Variants in CNDP1 observed in about 807,000 individuals in gnomAD.
CNDP1 encodes the protein beta-Ala-His dipeptidase.
A neutral mutation model predicts 58.1 loss-of-function variants in CNDP1; 44 were observed. The ratio of observed to expected loss-of-function variants is 0.76; its 90% CI spans 0.60 to 0.97. The LOEUF is 0.97. Ranked by LOEUF, CNDP1 falls within the 50% of genes least tolerant of loss-of-function variation. The pLI, the probability that CNDP1 is intolerant of heterozygous loss-of-function variation, is 0.00. For missense variants in CNDP1, 616 were observed against 655.1 expected (o/e 0.94, Z 0.65); for synonymous variants, 254 against 252.6 (o/e 1.01, Z -0.05).
At chr18:74,575,503 C>T (rs1156996291) in intron 7 of CNDP1, among the ~76,000 whole-genome samples, 5 of 152,138 alleles carry the variant, frequency 3.3e-5, no homozygotes, top group Admixed American at 6.5e-5. Context: ...GCCTTTGATA[C>T]GTATTTTCTA....
chr18:74,579,438 A>T (rs1037282610), intron 9 of CNDP1, among the ~76,000 whole-genome samples: 1 of 149,304 alleles, frequency 6.7e-6, no homozygotes, highest in Non-Finnish European at 1.5e-5. Context: ...TTCTCACAAC[A>T]TATAAACTCC....
At position 74,548,385 on chromosome 18, in the gene CNDP1, T is replaced by C. The variant is rs376004850; in HGVS notation, c.25-7953T>C. Among the ~76,000 whole-genome samples, 109 of 152,276 alleles carry C rather than the reference T, an allele frequency of 7.2e-4. No homozygotes were observed. The South Asian group carries it at 0.018, about 25-fold the overall frequency. ...CCTGCTCTTGCTCACATTCTTGCCA[T>C]GTGAGGAGCCTGCTCTCTCTTCACC... On this transcript the variant is annotated intron_variant, in intron 1 of 11. Coordinates refer to ENST00000358821, the MANE Select transcript of CNDP1 (RefSeq NM_032649.6).
intron 1 of CNDP1, among the ~76,000 whole-genome samples, chr18:74,546,390 AC>A (rs1440284218): frequency 1.3e-5 from 2 of 152,154 alleles, no homozygotes; most frequent in Non-Finnish European, 2.9e-5. Context: ...AGGTGGGAGC[AC>A]CGAGGGCCCA....
chr18:74,534,618 C>T lies in CNDP1; in HGVS notation c.-50C>T. On this transcript the variant is annotated 5_prime_UTR_variant, in exon 1 of 12. Transcript: ENST00000358821. The stretch of plus-strand genomic sequence containing the variant: ...GGCTTTCATGGGACTCCCTCTGCCA[C>T]ATTTTTTGGAGGTTGGGAAAGTTGC... 6.2e-7 allele frequency: 1 copy of T among 1,609,526 alleles called. No homozygotes were observed. Among genetic ancestry groups the T allele is most frequent in the South Asian group, 1.1e-5 (1 of 90,902 alleles).
intron 1 of CNDP1, among the ~76,000 whole-genome samples, chr18:74,535,975 T>TA (rs1980476675): frequency 6.6e-6 from 1 of 152,086 alleles, no homozygotes; most frequent in African/African-American, 2.4e-5. Context: ...GAGGCTGCAG[T>TA]GAGCCATGGT....
chr18:74,549,546 G>T (rs893729710), intron 1 of CNDP1, among the ~76,000 whole-genome samples: 5 of 152,104 alleles, frequency 3.3e-5, no homozygotes, highest in Non-Finnish European at 7.3e-5. Flanking sequence ...TAAAAGGAAA[G>T]CAGAGCATAA....
intron 1 of CNDP1, among the ~76,000 whole-genome samples, chr18:74,541,948 AG>A (rs1184011560): frequency 1.2e-4 from 19 of 152,176 alleles, no homozygotes. Context: ...GCATTGTGAA[AG>A]GGAGAGAAAC....
intron 1 of CNDP1, among the ~76,000 whole-genome samples, chr18:74,547,681 C>G (rs890880892): frequency 6.6e-5 from 10 of 152,300 alleles, no homozygotes; most frequent in Admixed American, 2.0e-4. Context: ...GGAGGCGAAG[C>G]CAGTGCCAGT....
intron 11 of CNDP1, chr18:74,584,173 A>G: frequency 2.7e-6 from 1 of 370,128 alleles, no homozygotes; most frequent in South Asian, 3.4e-5. Flanking sequence ...CTACTGGCAG[A>G]TACTACAAGA....
At chr18:74,552,621 T>G (rs763366259) in intron 1 of CNDP1, among the ~76,000 whole-genome samples, 33 of 152,248 alleles carry the variant, frequency 2.2e-4, no homozygotes, top group Non-Finnish European at 3.7e-4. Context: ...ATAAAAATCA[T>G]TTTGTATAGC....
intron 10 of CNDP1, among the ~76,000 whole-genome samples, chr18:74,583,308 T>C (rs537399544): frequency 3.0e-4 from 46 of 152,310 alleles, no homozygotes; most frequent in African/African-American, 1.1e-3. Flanking sequence ...CACCTGGCTC[T>C]AAAATCTTTT....
chr18:74,547,024 G>A lies in CNDP1; in HGVS notation c.25-9314G>A, dbSNP rs376265209. On this transcript the variant is annotated intron_variant, in intron 1 of 11. Coordinates refer to ENST00000358821, the MANE Select transcript of CNDP1 (RefSeq NM_032649.6). ...CAGGATGCTGGCTGAAGGAAACCAC[G>A]CCCTTGCTGACTCCTCCATGGGGAC... Among the ~76,000 whole-genome samples the A allele has an allele frequency of 6.6e-5, 10 of 152,272 alleles. No individual in the cohort carries two copies. The East Asian group carries it at 1.4e-3, about 21-fold the overall frequency.
At chr18:74,569,123 T>C (rs1599097971) in intron 6 of CNDP1, among the ~76,000 whole-genome samples, 1 of 152,200 alleles carries the variant, frequency 6.6e-6, no homozygotes, top group Non-Finnish European at 1.5e-5. Context: ...AGGGGAGCTG[T>C]CATCAGAATG....
chr18:74,553,753 G>A (rs1459879245), intron 1 of CNDP1, among the ~76,000 whole-genome samples: 2 of 152,148 alleles, frequency 1.3e-5, no homozygotes, highest in African/African-American at 4.8e-5. Flanking sequence ...ACTTCAAAAT[G>A]AGGAAACTTC....
intron 1 of CNDP1, among the ~76,000 whole-genome samples, chr18:74,536,064 C>A (rs990824007): frequency 6.6e-6 from 1 of 152,140 alleles, no homozygotes; most frequent in Non-Finnish European, 1.5e-5. Context: ...TTGTTTTGGA[C>A]TCAATATAAT....
intron 4 of CNDP1, chr18:74,561,257 A>T (rs1214276100): frequency 7.5e-6 from 3 of 400,304 alleles, no homozygotes; most frequent in Non-Finnish European, 1.4e-5. Flanking sequence ...TCTACTAAAA[A>T]TACAAAAAAA....
intron 7 of CNDP1, 53 bp from the exon 8 acceptor site, chr18:74,576,816 A>G: frequency 6.5e-7 from 1 of 1,534,072 alleles, no homozygotes; most frequent in Non-Finnish European, 8.8e-7. Context: ...CCAGGACCAC[A>G]ACATTGGCAC....
At chr18:74,558,760 G>A (rs985868120) in intron 2 of CNDP1, among the ~76,000 whole-genome samples, 15 of 152,254 alleles carry the variant, frequency 9.9e-5, no homozygotes, top group Admixed American at 9.8e-4. Context: ...TACATCCAAA[G>A]TCACATAGCT....
chr18:74,537,341 TC>T (rs1227219738), intron 1 of CNDP1, among the ~76,000 whole-genome samples: 3 of 152,238 alleles, frequency 2.0e-5, no homozygotes, highest in Non-Finnish European at 4.4e-5. Flanking sequence ...CCAGTTTCAA[TC>T]TTCTGCATAT....
Sources: allele counts gnomAD v4.1 joint callset (sites outside exome capture counted in the v4.1 genomes callset), GRCh38; gene constraint gnomAD v4.1.1; transcripts MANE v1.5; gene names NCBI Gene and HGNC (gene_info 2026-07-23, HGNC 2026-07-21).